The following LPP variants were observed in gnomAD, a reference collection of about 807,000 sequenced individuals.
LPP encodes LIM domain containing preferred translocation partner in lipoma, also known as lipoma-preferred partner.
In LPP, 38 loss-of-function variants were observed where a neutral mutation model predicts 60.4. That is an observed-to-expected ratio of 0.63 (90% CI 0.49 to 0.83). LPP has a LOEUF of 0.83. Ranked by LOEUF, LPP falls within the 40% of genes least tolerant of loss-of-function variation. LPP has a pLI of 0.00. For synonymous variants in LPP, 328 were observed against 290.8 expected, an observed-to-expected ratio of 1.13 and a Z score of -1.30; for missense variants, 902 against 783.6, an observed-to-expected ratio of 1.15 and a Z score of -1.80.
At chr3:188,630,854 C>T (rs371659323) in intron 7 of LPP, among the ~76,000 whole-genome samples, 18 of 152,058 alleles carry the variant, frequency 1.2e-4, no homozygotes, top group African/African-American at 3.6e-4. Context: ...ATGAAAAGAG[C>T]GAGATCATGT....
At chr3:188,258,617 A>G (rs1732489587) in intron 2 of LPP, among the ~76,000 whole-genome samples, 1 of 152,172 alleles carries the variant, frequency 6.6e-6, no homozygotes, top group African/African-American at 2.4e-5. Flanking sequence ...GTTTGTAAGC[A>G]TGTCAGCCCT....
At chr3:188,722,374 C>G (rs1276800350) in intron 8 of LPP, among the ~76,000 whole-genome samples, 1 of 152,030 alleles carries the variant, frequency 6.6e-6, no homozygotes, top group Non-Finnish European at 1.5e-5. Flanking sequence ...TAACCATCAA[C>G]GGAGCAATAG....
chr3:188,246,224 AC>A (rs1360002266), intron 2 of LPP, among the ~76,000 whole-genome samples: 1 of 151,940 alleles, frequency 6.6e-6, no homozygotes, highest in Non-Finnish European at 1.5e-5. Context: ...AATCTCTGGT[AC>A]CTGAGAACAT....
At chr3:188,540,097 A>G (rs1824746754) in intron 6 of LPP, among the ~76,000 whole-genome samples, 1 of 152,144 alleles carries the variant, frequency 6.6e-6, no homozygotes, top group Non-Finnish European at 1.5e-5. Flanking sequence ...ACCTCCAATG[A>G]CCTTGGAACA....
intron 9 of LPP, among the ~76,000 whole-genome samples, chr3:188,856,969 A>T (rs1763984091): frequency 1.3e-5 from 2 of 151,268 alleles, no homozygotes; most frequent in South Asian, 4.1e-4. Context: ...TAATTATGTT[A>T]ATTTTATCAT....
At chr3:188,353,808 GTCT>G (rs1766694965) in intron 3 of LPP, among the ~76,000 whole-genome samples, 1 of 152,128 alleles carries the variant, frequency 6.6e-6, no homozygotes, top group Non-Finnish European at 1.5e-5. Flanking sequence ...CTGCATTTCT[GTCT>G]TCTTTAATTT....
chr3:188,476,311 T>C (rs995290196), intron 4 of LPP, among the ~76,000 whole-genome samples: 1 of 152,168 alleles, frequency 6.6e-6, no homozygotes, highest in Non-Finnish European at 1.5e-5. Context: ...TCAACATCAT[T>C]ATTTTGGTGA....
At chr3:188,627,410 G>T (rs989719794) in intron 7 of LPP, among the ~76,000 whole-genome samples, 2 of 152,154 alleles carry the variant, frequency 1.3e-5, no homozygotes, top group South Asian at 4.1e-4. Flanking sequence ...CATCTCACAT[G>T]CAGTGACACC....
intron 8 of LPP, among the ~76,000 whole-genome samples, chr3:188,726,844 G>GA (rs1718588119): frequency 2.0e-5 from 3 of 152,016 alleles, no homozygotes; most frequent in Admixed American, 1.3e-4. Flanking sequence ...CACATGCCAG[G>GA]AAAAACAAAA....
intron 1 of LPP, among the ~76,000 whole-genome samples, chr3:188,221,826 T>G (rs1014923063): frequency 9.2e-5 from 14 of 152,302 alleles, no homozygotes; most frequent in African/African-American, 2.9e-4. Context: ...ATCCCAAAGC[T>G]CCATGAAATA....
At chr3:188,865,978 C>A (rs1766485166) in intron 9 of LPP, among the ~76,000 whole-genome samples, 1 of 152,182 alleles carries the variant, frequency 6.6e-6, no homozygotes, top group Non-Finnish European at 1.5e-5. Context: ...CTCTCTATAA[C>A]ACACTTCTTT....
intron 2 of LPP, among the ~76,000 whole-genome samples, chr3:188,313,099 G>A (rs551857404): frequency 1.4e-4 from 21 of 151,068 alleles, no homozygotes; most frequent in Non-Finnish European, 2.8e-4. Flanking sequence ...AAATCTGCAC[G>A]TTGTGCACAT....
intron 6 of LPP, among the ~76,000 whole-genome samples, chr3:188,536,927 A>T (rs1050328274): frequency 5.3e-5 from 8 of 152,208 alleles, no homozygotes; most frequent in African/African-American, 1.2e-4. Context: ...CCATTCAGGA[A>T]TCTTCTTCTT....
chr3:188,644,293 G>C (rs1196427616), intron 7 of LPP, among the ~76,000 whole-genome samples: 1 of 152,164 alleles, frequency 6.6e-6, no homozygotes, highest in Non-Finnish European at 1.5e-5. Flanking sequence ...ATCCAGTTTA[G>C]CTAAAGAAAA....
chr3:188,398,839 T>C (rs1033351756), intron 3 of LPP, among the ~76,000 whole-genome samples: 1 of 152,240 alleles, frequency 6.6e-6, no homozygotes, highest in African/African-American at 2.4e-5. Flanking sequence ...GATACCTTGT[T>C]AATCTCTGAG....
At chr3:188,239,819 A>T (rs750874580) in intron 2 of LPP, 6 of 214,930 alleles carry the variant, frequency 2.8e-5, no homozygotes, top group Non-Finnish European at 5.6e-5. Context: ...ACTTTAATTT[A>T]TCTGGCAGGT....
At chr3:188,359,324 A>G (rs1275218045) in intron 3 of LPP, among the ~76,000 whole-genome samples, 4 of 152,220 alleles carry the variant, frequency 2.6e-5, no homozygotes, top group Non-Finnish European at 4.4e-5. Flanking sequence ...TGACGAAGTA[A>G]AAGTGAGAAG....
chr3:188,390,312 A>G (rs1327911627), intron 3 of LPP, among the ~76,000 whole-genome samples: 1 of 152,164 alleles, frequency 6.6e-6, no homozygotes, highest in Non-Finnish European at 1.5e-5. Flanking sequence ...AAATTGTAAA[A>G]TCACTGCTAT....
At chr3:188,872,619 C>T in intron 10 of LPP, 24 bp from the exon 11 acceptor site, 1 of 1,614,020 alleles carries the variant, frequency 6.2e-7, no homozygotes, top group Non-Finnish European at 8.5e-7. Flanking sequence ...CAGTATCTAA[C>T]CAGAACTCTC....
Sources: gnomAD v4.1 joint callset for allele counts (sites outside exome capture counted in the v4.1 genomes callset) on GRCh38, gnomAD v4.1.1 for gene constraint, MANE v1.5 for transcripts, NCBI Gene and HGNC (gene_info 2026-07-23, HGNC 2026-07-21) for gene names.